The following LHFPL2 variants were observed in gnomAD, a reference collection of about 807,000 sequenced individuals.
LHFPL2 encodes LHFPL tetraspan subfamily member 2 protein.
Under a neutral mutation model 17.5 loss-of-function variants are expected in LHFPL2, and 7 were observed. That is an observed-to-expected ratio of 0.40 (90% CI 0.23 to 0.75). The LOEUF is 0.75. Among genes scored for constraint, LHFPL2 ranks in the 30% least tolerant of loss-of-function variants. The probability of loss-of-function intolerance (pLI) is 0.37; values close to 1 mark genes in which losing one functional copy is unlikely to be tolerated. For synonymous variants in LHFPL2, 134 were observed against 116.2 expected, an observed-to-expected ratio of 1.15 and a Z score of -0.99; for missense variants, 241 against 294.8, an observed-to-expected ratio of 0.82 and a Z score of 1.34.
At position 78,488,214 on chromosome 5, in the gene LHFPL2, CT is replaced by C. The variant is rs1203073460; in HGVS notation, c.*682del. ...ACTAGCAAGATTTCATATTTTTGTTCTCATATGATTGTATAGGTCCTTATTG... is the reference window on the plus strand; with the variant it reads ...ACTAGCAAGATTTCATATTTTTGTTCCATATGATTGTATAGGTCCTTATTG... On this transcript the variant is annotated 3_prime_UTR_variant, in exon 5 of 5. Transcript: ENST00000380345. 6.6e-6 allele frequency: 1 copy of C among 152,218 alleles called. No individual in the cohort carries two copies. Among genetic ancestry groups the C allele is most frequent in the Non-Finnish European group, 1.5e-5 (1 of 68,096 alleles). The allele number at this position is 152,218 out of a possible 1,614,324, so 9.4% of individuals were successfully genotyped here.
chr5:78,615,425 T>C (rs1744565905), intron 2 of LHFPL2, among the ~76,000 whole-genome samples: 1 of 152,198 alleles, frequency 6.6e-6, no homozygotes, highest in East Asian at 1.9e-4. Context: ...TCACATAATC[T>C]TAAACTGGTA....
At chr5:78,575,906 T>C (rs1179226829) in intron 2 of LHFPL2, among the ~76,000 whole-genome samples, 1 of 152,244 alleles carries the variant, frequency 6.6e-6, no homozygotes, top group Non-Finnish European at 1.5e-5. Flanking sequence ...TAAAACTTTC[T>C]TTTTGGAGAC....
At chr5:78,543,910 G>C (rs1256525401) in intron 3 of LHFPL2, among the ~76,000 whole-genome samples, 1 of 152,222 alleles carries the variant, frequency 6.6e-6, no homozygotes, top group African/African-American at 2.4e-5. Context: ...CTTTGCCTTT[G>C]ATTGTCTCTT....
rs894965157 is a variant in LHFPL2 at position 78,613,681 on chromosome 5, C to T, written c.-245+18583G>A. 2.0e-5 allele frequency among the ~76,000 whole-genome samples: 3 copies of T among 152,078 alleles called. No homozygotes were observed. In the East Asian group the frequency reaches 5.8e-4, roughly 29 times the overall value. On this transcript the variant is annotated intron_variant, in intron 2 of 4. Transcript: ENST00000380345. The stretch of plus-strand genomic sequence containing the variant: ...ACTCTCAGGTTCAAATTTTTAAATC[C>T]ATTTGAAATGGACTATCCATGTCTA...
intron 3 of LHFPL2, among the ~76,000 whole-genome samples, chr5:78,526,817 G>T (rs897992324): frequency 6.6e-6 from 1 of 152,124 alleles, no homozygotes; most frequent in African/African-American, 2.4e-5. Flanking sequence ...TTTCCTGAAG[G>T]CTACACAGCA....
rs78193717 is a variant in LHFPL2, at chr5:78,572,835, G to C, written c.-244-7964C>G. ...GGAATACAATTTTTCTGTGGGCAAT[G>C]GGTAAGGGAGAGATGGTTTCGGGAT... On this transcript the variant is annotated intron_variant, in intron 2 of 4. Coordinates refer to ENST00000380345, the MANE Select transcript of LHFPL2 (RefSeq NM_005779.3). Among the ~76,000 whole-genome samples, 437 of 152,278 alleles carry C rather than the reference G, an allele frequency of 2.9e-3. 3 individuals carry two copies. Among genetic ancestry groups the C allele is most frequent in the African/African-American group, 0.01 (420 of 41,556 alleles).
In LHFPL2 at chr5:78,510,228, C is replaced by T; in HGVS notation, c.-15G>A. 6.4e-7 allele frequency: 1 copy of T among 1,565,880 alleles called. No homozygotes were observed. The highest frequency in any genetic ancestry group is 8.7e-7 in the Non-Finnish European group (1 of 1,153,196). ...ACATGACACATATTGATGTTCCGGG[C>T]GAAGAAAGAGTCAGGAGTCCACGGA... On this transcript the variant is annotated 5_prime_UTR_variant, in exon 4 of 5. Transcript: ENST00000380345.
At chr5:78,505,461 G>A (rs1227649010) in intron 4 of LHFPL2, among the ~76,000 whole-genome samples, 1 of 152,344 alleles carries the variant, frequency 6.6e-6, no homozygotes, top group Admixed American at 6.5e-5. Context: ...GTGTGTGTCA[G>A]GGGAAGGGGA....
intron 2 of LHFPL2, among the ~76,000 whole-genome samples, chr5:78,578,953 G>A (rs773627577): frequency 4.6e-5 from 7 of 152,206 alleles, no homozygotes; most frequent in Non-Finnish European, 1.0e-4. Flanking sequence ...GCTCCTAGAA[G>A]TTACAATCCA....
rs1281910148 is a variant in LHFPL2 at position 78,485,857 on chromosome 5, CA to C, written c.*3039del. On this transcript the variant is annotated 3_prime_UTR_variant, in exon 5 of 5. Coordinates refer to ENST00000380345, the MANE Select transcript of LHFPL2 (RefSeq NM_005779.3). ...ATAACACTAGCGATTATTTTAGACC[CA>C]GGAAAAAATGATTTCATACCAGTCT... 1 of 152,468 alleles carries C rather than the reference CA, an allele frequency of 6.6e-6. No homozygotes were observed. The highest frequency in any genetic ancestry group is 2.4e-5 in the African/African-American group (1 of 41,390). 9.4% of individuals were successfully genotyped at this position (152,468 alleles called of 1,614,324 possible). A position where few individuals can be genotyped will look rare whatever the true frequency, so the allele number is the denominator to read the frequency against.
intron 3 of LHFPL2, among the ~76,000 whole-genome samples, chr5:78,545,938 A>G (rs1271207643): frequency 6.6e-6 from 1 of 152,240 alleles, no homozygotes; most frequent in Non-Finnish European, 1.5e-5. Flanking sequence ...GCCATGATAC[A>G]GAGGCTGAAA....
chr5:78,570,713 C>T (rs571072526), intron 2 of LHFPL2, among the ~76,000 whole-genome samples: 2 of 151,062 alleles, frequency 1.3e-5, no homozygotes, highest in Non-Finnish European at 2.9e-5. Context: ...GTGTTGAGCA[C>T]GAGCAATGTG....
chr5:78,557,757 T>C (rs1756617904), intron 3 of LHFPL2, among the ~76,000 whole-genome samples: 2 of 152,340 alleles, frequency 1.3e-5, no homozygotes, highest in East Asian at 1.9e-4. Context: ...CAGATTGTTC[T>C]GGGATGGTAA....
At chr5:78,514,905 C>A (rs879674936) in intron 3 of LHFPL2, among the ~76,000 whole-genome samples, 1 of 152,188 alleles carries the variant, frequency 6.6e-6, no homozygotes, top group Non-Finnish European at 1.5e-5. Flanking sequence ...ACCCAACACC[C>A]AGATTCAACA....
chr5:78,517,476 T>C (rs1380165762), intron 3 of LHFPL2, among the ~76,000 whole-genome samples: 1 of 152,208 alleles, frequency 6.6e-6, no homozygotes, highest in Non-Finnish European at 1.5e-5. Context: ...AATAAAGACA[T>C]ACCCGAAACT....
At chr5:78,611,819 C>T (rs746171028) in intron 2 of LHFPL2, among the ~76,000 whole-genome samples, 14 of 152,138 alleles carry the variant, frequency 9.2e-5, no homozygotes, top group Non-Finnish European at 2.1e-4. Context: ...ACTTTTTTTA[C>T]AGAAAATCTA....
chr5:78,591,248 T>C (rs564667253), intron 2 of LHFPL2, among the ~76,000 whole-genome samples: 20 of 152,320 alleles, frequency 1.3e-4, no homozygotes, highest in African/African-American at 4.8e-4. Context: ...TGACCAATGT[T>C]TGTTCCCATG....
chr5:78,521,489 T>G (rs778307168), intron 3 of LHFPL2, among the ~76,000 whole-genome samples: 68 of 152,266 alleles, frequency 4.5e-4, no homozygotes, highest in Admixed American at 1.1e-3. Context: ...ATTTGCAATT[T>G]TATTTGGCAT....
intron 2 of LHFPL2, among the ~76,000 whole-genome samples, chr5:78,575,795 AT>A (rs1757116449): frequency 6.6e-6 from 1 of 152,232 alleles, no homozygotes; most frequent in African/African-American, 2.4e-5. Flanking sequence ...AGATAGTGTA[AT>A]TTAGTTTCTA....
Sources: allele counts gnomAD v4.1 joint callset (sites outside exome capture counted in the v4.1 genomes callset), GRCh38; gene constraint gnomAD v4.1.1; transcripts MANE v1.5; gene names NCBI Gene and HGNC (gene_info 2026-07-23, HGNC 2026-07-21).